The following DPP10 variants were observed in gnomAD, a reference collection of about 807,000 sequenced individuals.
DPP10 encodes the protein inactive dipeptidyl peptidase 10.
Under a neutral mutation model 120.9 loss-of-function variants are expected in DPP10, and 33 were observed. That is an observed-to-expected ratio of 0.27 (90% CI 0.21 to 0.37). The LOEUF is 0.37. Among genes scored for constraint, DPP10 ranks in the 10% least tolerant of loss-of-function variants. The pLI is 1.00. For synonymous variants in DPP10, 337 were observed against 326.1 expected, an observed-to-expected ratio of 1.03 and a Z score of -0.36; for missense variants, 816 against 942.8, an observed-to-expected ratio of 0.87 and a Z score of 1.76.
At chr2:115,655,542 T>C (rs1316172323) in intron 5 of DPP10, among the ~76,000 whole-genome samples, 1 of 151,636 alleles carries the variant, frequency 6.6e-6, no homozygotes, top group East Asian at 1.9e-4. Flanking sequence ...ATCAACCCCA[T>C]CTTCTGTTTC....
intron 1 of DPP10, among the ~76,000 whole-genome samples, chr2:115,004,214 A>C (rs1701647680): frequency 6.6e-6 from 1 of 152,226 alleles, no homozygotes; most frequent in South Asian, 2.1e-4. Context: ...GTCCAAACAT[A>C]CAGTTTGATA....
intron 19 of DPP10, among the ~76,000 whole-genome samples, chr2:115,799,675 A>G: frequency 6.9e-6 from 1 of 145,842 alleles, no homozygotes. Context: ...ATGAGTGAGA[A>G]CATGCGGTGT....
At chr2:114,882,698 C>G (rs1481637099) in intron 1 of DPP10, among the ~76,000 whole-genome samples, 1 of 151,970 alleles carries the variant, frequency 6.6e-6, no homozygotes, top group Non-Finnish European at 1.5e-5. Context: ...AATATGAATG[C>G]AGGCAGAGAT....
chr2:115,186,543 T>G (rs1443105206), intron 1 of DPP10, among the ~76,000 whole-genome samples: 1 of 152,078 alleles, frequency 6.6e-6, no homozygotes, highest in African/African-American at 2.4e-5. Flanking sequence ...CTGGAGGAGG[T>G]GACCTGTGAC....
At chr2:115,525,717 T>C (rs1309886611) in intron 4 of DPP10, among the ~76,000 whole-genome samples, 181 bp from the exon 5 acceptor site, 1 of 152,046 alleles carries the variant, frequency 6.6e-6, no homozygotes, top group Non-Finnish European at 1.5e-5. Context: ...ATATGTCCTC[T>C]TTAAGCTTTT....
At chr2:115,673,040 C>A (rs777530111) in intron 5 of DPP10, among the ~76,000 whole-genome samples, 2 of 151,982 alleles carry the variant, frequency 1.3e-5, no homozygotes, top group Admixed American at 1.3e-4. Flanking sequence ...TAAGCCACTG[C>A]GCCCGACTAT....
At chr2:115,311,602 T>C (rs1379968762) in intron 2 of DPP10, among the ~76,000 whole-genome samples, 2 of 152,164 alleles carry the variant, frequency 1.3e-5, no homozygotes, top group Non-Finnish European at 2.9e-5. Context: ...TAGGTGCTGT[T>C]GTAGTTGGCC....
rs562755243 is a variant in DPP10, at chr2:114,535,607, T to C, written c.60+92769T>C. 6.6e-5 allele frequency among the ~76,000 whole-genome samples: 10 copies of C among 152,296 alleles called. 1 individual carries two copies. In the South Asian group the frequency reaches 2.1e-3, roughly 32 times the overall value. Reference sequence around the variant, plus strand: ...ATGCTACGAGCCCCTTATCCAAACATTCTCTCAGTTTGGATGATTTCACCT... The same window carrying C: ...ATGCTACGAGCCCCTTATCCAAACACTCTCTCAGTTTGGATGATTTCACCT... On this transcript the variant is annotated intron_variant, in intron 1 of 25. Coordinates refer to ENST00000410059, the MANE Select transcript of DPP10 (RefSeq NM_020868.6).
intron 1 of DPP10, among the ~76,000 whole-genome samples, chr2:114,912,671 C>G (rs1215121667): frequency 6.6e-6 from 1 of 152,092 alleles, no homozygotes; most frequent in South Asian, 2.1e-4. Flanking sequence ...GAAAACCCTG[C>G]AAGGGGTTGC....
chr2:115,103,184 C>CTTTTTT (rs71394123), intron 1 of DPP10, among the ~76,000 whole-genome samples: 3 of 122,154 alleles, frequency 2.5e-5, no homozygotes, highest in East Asian at 2.3e-4. Flanking sequence ...CTGATTCTCT[C>CTTTTTT]TTTTTTTTTT....
Position 114,953,427 on chromosome 2 carries a change from G to A in DPP10, c.61-355812G>A, listed in dbSNP as rs528437342. ...ACTTCTGCTTCAAATCTGACTTTTT[G>A]TTTTCTGAGTCTGAGGACTATGGAA... On this transcript the variant is annotated intron_variant, in intron 1 of 25. Transcript: ENST00000410059. Among the ~76,000 whole-genome samples the A allele has an allele frequency of 4.7e-4, 71 of 152,062 alleles. 1 individual carries two copies. Among genetic ancestry groups the A allele is most frequent in the African/African-American group, 1.5e-3 (63 of 41,518 alleles).
At chr2:114,528,901 G>A (rs1443585746) in intron 1 of DPP10, among the ~76,000 whole-genome samples, 1 of 151,856 alleles carries the variant, frequency 6.6e-6, no homozygotes, top group African/African-American at 2.4e-5. Flanking sequence ...ATGGACAATG[G>A]GAGGAACTGA....
chr2:114,915,547 CT>C (rs1161594959), intron 1 of DPP10, among the ~76,000 whole-genome samples: 1 of 152,200 alleles, frequency 6.6e-6, no homozygotes, highest in Non-Finnish European at 1.5e-5. Flanking sequence ...AATATACATT[CT>C]CATCTGCATA....
chr2:114,595,342 G>C (rs185158305), intron 1 of DPP10, among the ~76,000 whole-genome samples: 13 of 152,158 alleles, frequency 8.5e-5, no homozygotes, highest in Middle Eastern at 3.4e-3. Context: ...ACTTCAACTG[G>C]AAATCTGTTT....
intron 1 of DPP10, among the ~76,000 whole-genome samples, chr2:114,686,438 T>G (rs1003050764): frequency 1.3e-5 from 2 of 151,844 alleles, no homozygotes; most frequent in African/African-American, 4.8e-5. Flanking sequence ...AAGAAAAGAA[T>G]GGCAAAACCA....
intron 3 of DPP10, among the ~76,000 whole-genome samples, chr2:115,396,364 A>G (rs1385005046): frequency 6.6e-6 from 1 of 152,202 alleles, no homozygotes; most frequent in East Asian, 1.9e-4. Context: ...GTTAGGTGAA[A>G]GATTTGTGTT....
intron 1 of DPP10, among the ~76,000 whole-genome samples, chr2:114,547,703 T>C (rs1192761675): frequency 1.3e-5 from 2 of 152,200 alleles, no homozygotes; most frequent in African/African-American, 4.8e-5. Context: ...AGTGCATACA[T>C]AGGTGACATA....
chr2:114,497,036 C>T (rs1558813094), intron 1 of DPP10, among the ~76,000 whole-genome samples: 1 of 150,372 alleles, frequency 6.7e-6, no homozygotes, highest in African/African-American at 2.4e-5. Context: ...TGTATATATA[C>T]ATATATATGC....
intron 3 of DPP10, among the ~76,000 whole-genome samples, chr2:115,477,462 G>A (rs1180964731): frequency 6.6e-6 from 1 of 152,022 alleles, no homozygotes; most frequent in Non-Finnish European, 1.5e-5. Flanking sequence ...AGAGATAAAA[G>A]TCTTGCATAC....
Sources: allele counts gnomAD v4.1 joint callset (sites outside exome capture counted in the v4.1 genomes callset), GRCh38; gene constraint gnomAD v4.1.1; transcripts MANE v1.5; gene names NCBI Gene and HGNC (gene_info 2026-07-23, HGNC 2026-07-21).